Variants in PDE1C observed in about 807,000 individuals in gnomAD.
PDE1C encodes the protein phosphodiesterase 1C.
A neutral mutation model predicts 93.1 loss-of-function variants in PDE1C; 62 were observed. The ratio of observed to expected loss-of-function variants is 0.67; its 90% CI spans 0.54 to 0.82. The LOEUF is 0.82. Among genes scored for constraint, PDE1C ranks in the 40% least tolerant of loss-of-function variants. PDE1C has a pLI of 0.00. For missense variants in PDE1C, 742 were observed against 884.6 expected, an observed-to-expected ratio of 0.84 and a Z score of 2.04; for synonymous variants, 325 against 310.1, an observed-to-expected ratio of 1.05 and a Z score of -0.50.
intron 3 of PDE1C, among the ~76,000 whole-genome samples, chr7:32,144,587 C>A (rs1398097765): frequency 6.6e-6 from 1 of 152,124 alleles, no homozygotes; most frequent in African/African-American, 2.4e-5. Context: ...CAAAGGGAAA[C>A]CAGGCTGCTG....
At chr7:32,218,875 A>T (rs1806628849) in intron 1 of PDE1C, among the ~76,000 whole-genome samples, 1 of 152,158 alleles carries the variant, frequency 6.6e-6, no homozygotes, top group African/African-American at 2.4e-5. Context: ...ATCAATTGCC[A>T]TCTGTTTAGT....
chr7:31,625,340 C>G, the PDE1C span, among the ~76,000 whole-genome samples: 1 of 151,658 alleles, frequency 6.6e-6, no homozygotes, highest in Admixed American at 6.6e-5. Flanking sequence ...TATTGCGGCA[C>G]TATTCACAAT....
chr7:31,660,253 C>T, the PDE1C span, among the ~76,000 whole-genome samples: 1 of 152,150 alleles, frequency 6.6e-6, no homozygotes, highest in Non-Finnish European at 1.5e-5. Context: ...CCCACTGTCA[C>T]TTTTCTATAA....
intron 2 of PDE1C, among the ~76,000 whole-genome samples, chr7:31,971,990 C>G (rs1811026815): frequency 6.6e-6 from 1 of 152,210 alleles, no homozygotes; most frequent in African/African-American, 2.4e-5. Context: ...TATTTGTAAG[C>G]AGTCCTTTCA....
At chr7:31,696,735 T>C in the PDE1C span, among the ~76,000 whole-genome samples, 1 of 152,192 alleles carries the variant, frequency 6.6e-6, no homozygotes, top group African/African-American at 2.4e-5. Context: ...CCTCAGGGTT[T>C]TAGTGAAGCT....
intron 14 of PDE1C, among the ~76,000 whole-genome samples, chr7:31,818,520 T>G (rs1421489615): frequency 6.6e-6 from 1 of 152,224 alleles, no homozygotes; most frequent in Non-Finnish European, 1.5e-5. Flanking sequence ...TTATCCTATA[T>G]GCAAGTGTAA....
chr7:32,016,738 G>A (rs1020497088), intron 2 of PDE1C, among the ~76,000 whole-genome samples: 1 of 152,110 alleles, frequency 6.6e-6, no homozygotes, highest in African/African-American at 2.4e-5. Flanking sequence ...TCAATAAAGT[G>A]AATAAAATCA....
At chr7:31,686,386 A>C in the PDE1C span, among the ~76,000 whole-genome samples, 1 of 151,250 alleles carries the variant, frequency 6.6e-6, no homozygotes, top group African/African-American at 2.4e-5. Context: ...TTAAACATCC[A>C]CTCTTGAGTG....
chr7:31,850,500 A>T (rs1326869015), intron 8 of PDE1C, 141 bp downstream of exon 8: 9 of 640,350 alleles, frequency 1.4e-5, no homozygotes, highest in Middle Eastern at 2.8e-4. Flanking sequence ...GATCAGACTG[A>T]TCTCTCATTT....
chr7:31,759,190 C>T (rs1794674853), intron 17 of PDE1C, among the ~76,000 whole-genome samples: 1 of 152,192 alleles, frequency 6.6e-6, no homozygotes, highest in South Asian at 2.1e-4. Flanking sequence ...TTCCCCTCTG[C>T]AATGGATTGT....
At chr7:32,274,371 C>T (rs563496539) in intron 1 of PDE1C, among the ~76,000 whole-genome samples, 2 of 121,912 alleles carry the variant, frequency 1.6e-5, no homozygotes, top group Admixed American at 1.6e-4. Context: ...GCATGTCTGG[C>T]CTTTTTTTTT....
At position 31,752,685 on chromosome 7, in the gene PDE1C, C is replaced by T. The variant is rs1794196959; in HGVS notation, c.*699G>A. The T allele has an allele frequency of 6.6e-6, 1 of 152,118 alleles. No individual in the cohort carries two copies. Among genetic ancestry groups the T allele is most frequent in the African/African-American group, 2.4e-5 (1 of 41,432 alleles). 9.4% of individuals were successfully genotyped at this position (152,118 alleles called of 1,614,324 possible). A position where few individuals can be genotyped will look rare whatever the true frequency, so the allele number is the denominator to read the frequency against. The stretch of plus-strand genomic sequence containing the variant: ...GCCAAATGCATCTCTTGCAAACCTT[C>T]ACATCCTTCAAAGTACATGAGGTTA... On this transcript the variant is annotated 3_prime_UTR_variant, in exon 18 of 18. Transcript: ENST00000396191.
intron 2 of PDE1C, among the ~76,000 whole-genome samples, chr7:31,977,985 A>C (rs1267374433): frequency 6.6e-6 from 1 of 152,188 alleles, no homozygotes; most frequent in Non-Finnish European, 1.5e-5. Flanking sequence ...AGGTAGAACT[A>C]CAATCATCCT....
intron 3 of PDE1C, among the ~76,000 whole-genome samples, chr7:32,154,583 C>CATT (rs1398122185): frequency 6.6e-6 from 1 of 152,310 alleles, no homozygotes; most frequent in East Asian, 1.9e-4. Context: ...ATCCTCCCAT[C>CATT]ATTATTGTTT....
the PDE1C span, among the ~76,000 whole-genome samples, chr7:31,697,636 G>C: frequency 6.6e-6 from 1 of 152,192 alleles, no homozygotes; most frequent in Admixed American, 6.5e-5. Context: ...TACAGTCCTT[G>C]TCTCTGAGAA....
intron 2 of PDE1C, among the ~76,000 whole-genome samples, chr7:31,900,672 T>G (rs1799864382): frequency 6.6e-6 from 1 of 151,828 alleles, no homozygotes; most frequent in South Asian, 2.1e-4. Context: ...GCAATATATA[T>G]TCATATATTG....
chr7:32,425,419 A>G (rs1436453583), intron 1 of PDE1C, among the ~76,000 whole-genome samples: 1 of 152,216 alleles, frequency 6.6e-6, no homozygotes, highest in Non-Finnish European at 1.5e-5. Context: ...ATAATTTTGC[A>G]TAAGTATCCT....
At chr7:32,190,658 C>A (rs1001305784) in intron 2 of PDE1C, among the ~76,000 whole-genome samples, 1 of 152,118 alleles carries the variant, frequency 6.6e-6, no homozygotes, top group Non-Finnish European at 1.5e-5. Context: ...TGTTTTCAGT[C>A]CAATTAAACA....
At chr7:31,991,169 G>A (rs1208690219) in intron 2 of PDE1C, among the ~76,000 whole-genome samples, 2 of 152,022 alleles carry the variant, frequency 1.3e-5, no homozygotes, top group African/African-American at 4.8e-5. Context: ...CCACTTAATT[G>A]GAATGTGACA....
Sources: allele counts gnomAD v4.1 joint callset (sites outside exome capture counted in the v4.1 genomes callset), GRCh38; gene constraint gnomAD v4.1.1; transcripts MANE v1.5; gene names NCBI Gene and HGNC (gene_info 2026-07-23, HGNC 2026-07-21).